KCNQ1: variants seen among roughly 807,000 people sequenced by gnomAD.
KCNQ1 encodes potassium voltage-gated channel subfamily KQT member 1.
A neutral mutation model predicts 72.4 loss-of-function variants in KCNQ1; 49 were observed. The observed-to-expected ratio is 0.68, with a 90% CI of 0.54 to 0.86. KCNQ1 has a LOEUF of 0.86. KCNQ1 is among the 40% of genes least tolerant of loss of function. The pLI is 0.00. For synonymous variants in KCNQ1, 450 were observed against 412.6 expected, an observed-to-expected ratio of 1.09 and a Z score of -1.10; for missense variants, 790 against 945.1, an observed-to-expected ratio of 0.84 and a Z score of 2.15.
Position 2,549,078 on chromosome 11 carries a change from C to T in KCNQ1, c.477+21060C>T, listed in dbSNP as rs1232640600. Among the ~76,000 whole-genome samples, 1 of 152,150 alleles carries T rather than the reference C, an allele frequency of 6.6e-6. No individual in the cohort carries two copies. The highest frequency in any genetic ancestry group is 2.4e-5 in the African/African-American group (1 of 41,416). On this transcript the variant is annotated intron_variant, in intron 2 of 15. Coordinates refer to ENST00000155840, the MANE Select transcript of KCNQ1 (RefSeq NM_000218.3). This position sits in a 1 kb window ranked among gnomAD's most constrained non-coding sequence, Gnocchi z 6.2. ...TCCAGGGTGGGTTCTAGAGTACATC[C>T]AGCTTCCACCCAAGGGAGAGTGGCT...
intron 15 of KCNQ1, among the ~76,000 whole-genome samples, chr11:2,806,156 G>A (rs141198018): frequency 1.5e-4 from 23 of 152,272 alleles, no homozygotes; most frequent in Non-Finnish European, 2.1e-4. Context: ...GAAAATGCCC[G>A]GAAACGTGTC....
intron 10 of KCNQ1, among the ~76,000 whole-genome samples, chr11:2,604,408 G>A (rs1355103113): frequency 6.6e-6 from 1 of 151,746 alleles, no homozygotes; most frequent in African/African-American, 2.4e-5. Context: ...AACCCGGGAG[G>A]AAGAGGTTGC....
intron 7 of KCNQ1, 65 bp from the exon 8 acceptor site, chr11:2,585,147 C>G (rs1564825257): frequency 3.5e-6 from 5 of 1,423,084 alleles, no homozygotes; most frequent in Non-Finnish European, 5.0e-6. Flanking sequence ...GTAACCACGT[C>G]CTGAGGCTGC....
intron 11 of KCNQ1, chr11:2,689,020 G>GGA: frequency 2.5e-6 from 1 of 398,796 alleles, no homozygotes; most frequent in Non-Finnish European, 4.4e-6. Context: ...TTGGAATCCT[G>GGA]GAGCCCTGGG....
chr11:2,772,557 C>T lies in KCNQ1; in HGVS notation c.1591-3403C>T, dbSNP rs1362187536. ...TGGCTCCAGGATAAGTCTCTGTGGGCTGGGATGCCACCGGGCCGTGGGTCC... is the reference window on the plus strand; with the variant it reads ...TGGCTCCAGGATAAGTCTCTGTGGGTTGGGATGCCACCGGGCCGTGGGTCC... On this transcript the variant is annotated intron_variant, in intron 12 of 15. Transcript: ENST00000155840. This position sits in a 1 kb window ranked among gnomAD's most constrained non-coding sequence, Gnocchi z 6.6. Among the ~76,000 whole-genome samples, 1 of 152,138 alleles carries T rather than the reference C, an allele frequency of 6.6e-6. No individual in the cohort carries two copies. The highest frequency in any genetic ancestry group is 1.5e-5 in the Non-Finnish European group (1 of 68,006).
At chr11:2,521,499 G>A (rs1177166393) in intron 1 of KCNQ1, 2 of 470,310 alleles carry the variant, frequency 4.3e-6, no homozygotes, top group Non-Finnish European at 4.4e-6. Flanking sequence ...TTAAGCATAC[G>A]GTCACGAGAG....
rs1388371413 is a variant in KCNQ1 at position 2,664,989 on chromosome 11, G to A, written c.1514+2908G>A. On this transcript the variant is annotated intron_variant, in intron 11 of 15. Coordinates refer to ENST00000155840, the MANE Select transcript of KCNQ1 (RefSeq NM_000218.3). This position sits in a 1 kb window ranked among gnomAD's most constrained non-coding sequence, Gnocchi z 5.1. ...GGGAAGGTCCCTGGGGCTGGGCGAA[G>A]CTCCTCTTTCCGGGGCCTGTTAGCC... 2.5e-6 allele frequency: 1 copy of A among 398,580 alleles called. No individual in the cohort carries two copies. Among genetic ancestry groups the A allele is most frequent in the African/African-American group, 2.1e-5 (1 of 48,596 alleles). The allele number at this position is 398,580 out of a possible 1,614,324, so 24.7% of individuals were successfully genotyped here.
At chr11:2,539,146 G>T (rs1847782738) in intron 2 of KCNQ1, among the ~76,000 whole-genome samples, 1 of 152,314 alleles carries the variant, frequency 6.6e-6, no homozygotes, top group African/African-American at 2.4e-5. Flanking sequence ...GGGGGGCAAG[G>T]TGCCTGTTCC....
Position 2,536,966 on chromosome 11 carries a change from G to A in KCNQ1, c.477+8948G>A, listed in dbSNP as rs920225683. ...TTACCTCACAGGGCATCCTCCCTGC[G>A]TGTGAGTCTGGAGCCAAATTTCTCC... On this transcript the variant is annotated intron_variant, in intron 2 of 15. Coordinates refer to ENST00000155840, the MANE Select transcript of KCNQ1 (RefSeq NM_000218.3). The surrounding 1 kb of genome is among the most constrained non-coding windows in gnomAD (Gnocchi z 7.4). Among the ~76,000 whole-genome samples, 5 of 151,874 alleles carry A rather than the reference G, an allele frequency of 3.3e-5. No homozygotes were observed. The highest frequency in any genetic ancestry group is 4.9e-5 in the African/African-American group (2 of 41,220).
intron 13 of KCNQ1, among the ~76,000 whole-genome samples, 171 bp downstream of exon 13, chr11:2,776,225 C>T (rs1336305079): frequency 6.6e-6 from 1 of 152,154 alleles, no homozygotes; most frequent in East Asian, 1.9e-4. Flanking sequence ...GGCAGCTGGC[C>T]ACGGCCACGG....
chr11:2,596,915 AC>A (rs1168586641), intron 10 of KCNQ1, among the ~76,000 whole-genome samples: 3 of 151,904 alleles, frequency 2.0e-5, no homozygotes, highest in Admixed American at 6.6e-5. Context: ...TAGCAAAAAA[AC>A]ATACTGAAAA....
chr11:2,695,008 G>A lies in KCNQ1; in HGVS notation c.1514+32927G>A. The stretch of plus-strand genomic sequence containing the variant: ...CTGGCAGAGCCAAAGCTCAGTGAGG[G>A]AGGACAGTGGTCAGAGAGGTAAGCA... On this transcript the variant is annotated intron_variant, in intron 11 of 15. Transcript: ENST00000155840. The surrounding 1 kb of genome is among the most constrained non-coding windows in gnomAD (Gnocchi z 5.2). 1 of 398,748 alleles carries A rather than the reference G, an allele frequency of 2.5e-6. No individual in the cohort carries two copies. The allele number at this position is 398,748 out of a possible 1,614,324, so 24.7% of individuals were successfully genotyped here. A position where few individuals can be genotyped will look rare whatever the true frequency, so the allele number is the denominator to read the frequency against.
Position 2,609,271 on chromosome 11 carries a change from T to C in KCNQ1, c.1393+20417T>C, listed in dbSNP as rs28432105. Reference sequence around the variant, plus strand: ...TACGTTCCATTTCCCTTGTGAATTCTTTCACCCATTGATTATTTAAGAATG... The same window carrying C: ...TACGTTCCATTTCCCTTGTGAATTCCTTCACCCATTGATTATTTAAGAATG... On this transcript the variant is annotated intron_variant, in intron 10 of 15. Transcript: ENST00000155840. 3,465 of 398,338 alleles carry C rather than the reference T, an allele frequency of 8.7e-3. 47 individuals are homozygous for C. The highest frequency in any genetic ancestry group is 0.036 in the African/African-American group (1,753 of 48,746). The allele number at this position is 398,338 out of a possible 1,614,324, so 24.7% of individuals were successfully genotyped here. A position where few individuals can be genotyped will look rare whatever the true frequency, so the allele number is the denominator to read the frequency against.
In KCNQ1 at chr11:2,564,344, A is replaced by G. The variant is rs1848216698; in HGVS notation, c.478-6284A>G. ...CGCGGTGACTCATGCCTGCAATCCCAGCACTTTGGAAGGCTGAGGCGGGCG... is the reference window on the plus strand; with the variant it reads ...CGCGGTGACTCATGCCTGCAATCCCGGCACTTTGGAAGGCTGAGGCGGGCG... On this transcript the variant is annotated intron_variant, in intron 2 of 15. Coordinates refer to ENST00000155840, the MANE Select transcript of KCNQ1 (RefSeq NM_000218.3). This position sits in a 1 kb window ranked among gnomAD's most constrained non-coding sequence, Gnocchi z 4.5. Among the ~76,000 whole-genome samples, 1 of 152,206 alleles carries G rather than the reference A, an allele frequency of 6.6e-6. No individual in the cohort carries two copies. The highest frequency in any genetic ancestry group is 2.1e-4 in the South Asian group (1 of 4,834).
intron 10 of KCNQ1, among the ~76,000 whole-genome samples, chr11:2,590,545 T>TG (rs1302566927): frequency 6.6e-6 from 1 of 152,200 alleles, no homozygotes; most frequent in Non-Finnish European, 1.5e-5. Flanking sequence ...TTCCAGGTGG[T>TG]GGGGGGAGCA....
At chr11:2,633,485 A>G (rs1849398212) in intron 10 of KCNQ1, 2 of 398,468 alleles carry the variant, frequency 5.0e-6, no homozygotes, top group Non-Finnish European at 8.8e-6. Flanking sequence ...GTTTTCTTCT[A>G]GTACTGTTTG....
chr11:2,562,122 G>T lies in KCNQ1; in HGVS notation c.478-8506G>T, dbSNP rs910400030. Among the ~76,000 whole-genome samples the T allele has an allele frequency of 1.3e-5, 2 of 151,098 alleles. No individual in the cohort carries two copies. Among genetic ancestry groups the T allele is most frequent in the Non-Finnish European group, 3.0e-5 (2 of 67,708 alleles). The stretch of plus-strand genomic sequence containing the variant: ...TGTGCCACCCTCAGCCCAGTGGATG[G>T]TGCATCTCACCTGGGCCTGGCCGGC... On this transcript the variant is annotated intron_variant, in intron 2 of 15. Coordinates refer to ENST00000155840, the MANE Select transcript of KCNQ1 (RefSeq NM_000218.3). This position sits in a 1 kb window ranked among gnomAD's most constrained non-coding sequence, Gnocchi z 7.5.
At position 2,564,235 on chromosome 11, in the gene KCNQ1, A is replaced by G. The variant is rs1009761757; in HGVS notation, c.478-6393A>G. ...GTTCCAGAGCTTTTTCATCACCTCAAAAGGAAAACCATCCCCATTGCCCTT... is the reference window on the plus strand; with the variant it reads ...GTTCCAGAGCTTTTTCATCACCTCAGAAGGAAAACCATCCCCATTGCCCTT... On this transcript the variant is annotated intron_variant, in intron 2 of 15. Coordinates refer to ENST00000155840, the MANE Select transcript of KCNQ1 (RefSeq NM_000218.3). The surrounding 1 kb of genome is among the most constrained non-coding windows in gnomAD (Gnocchi z 4.5). 1.3e-5 allele frequency among the ~76,000 whole-genome samples: 2 copies of G among 152,202 alleles called. No homozygotes were observed. Among genetic ancestry groups the G allele is most frequent in the Admixed American group, 6.5e-5 (1 of 15,288 alleles).
chr11:2,689,330 T>A (rs931482311), intron 11 of KCNQ1: 6 of 398,508 alleles, frequency 1.5e-5, no homozygotes, highest in Admixed American at 8.8e-5. Flanking sequence ...ACTGCCCCTA[T>A]CCGCAGAGCT....
Sources: gnomAD v4.1 joint callset for allele counts (sites outside exome capture counted in the v4.1 genomes callset) on GRCh38, gnomAD v4.1.1 for gene constraint, Gnocchi (gnomAD v3.1) non-coding constraint, MANE v1.5 for transcripts, NCBI Gene and HGNC (gene_info 2026-07-23, HGNC 2026-07-21) for gene names.